Variants in KIF11 observed in about 807,000 individuals in gnomAD.
The protein encoded by KIF11 is kinesin family member 11.
Under a neutral mutation model 121.0 loss-of-function variants are expected in KIF11, and 9 were observed. That is an observed-to-expected ratio of 0.07 (90% CI 0.04 to 0.13). The LOEUF (loss-of-function observed/expected upper bound fraction) is 0.13, where lower values mean the gene tolerates loss of function less well. Ranked by LOEUF, KIF11 falls within the 10% of genes least tolerant of loss-of-function variation. The pLI, the probability that KIF11 is intolerant of heterozygous loss-of-function variation, is 1.00. For synonymous variants in KIF11, 408 were observed against 421.0 expected, an observed-to-expected ratio of 0.97 and a Z score of 0.38; for missense variants, 846 against 1,217.5, an observed-to-expected ratio of 0.69 and a Z score of 4.54.
chr10:92,594,067 C>T (rs1176106143), intron 1 of KIF11, among the ~76,000 whole-genome samples: 1 of 152,150 alleles, frequency 6.6e-6, no homozygotes, highest in Non-Finnish European at 1.5e-5. Flanking sequence ...GTTCGGCCCT[C>T]CCCTGACTGG....
At chr10:92,634,142 C>T (rs1352192610) in intron 14 of KIF11, among the ~76,000 whole-genome samples, 1 of 151,924 alleles carries the variant, frequency 6.6e-6, no homozygotes, top group Non-Finnish European at 1.5e-5. Flanking sequence ...CACCACCACA[C>T]CCGGCTAATT....
intron 19 of KIF11, among the ~76,000 whole-genome samples, chr10:92,649,456 C>T (rs1287276286): frequency 1.3e-5 from 2 of 152,100 alleles, no homozygotes; most frequent in African/African-American, 4.8e-5. Flanking sequence ...AACCACCACA[C>T]CACATTTATA....
intron 9 of KIF11, among the ~76,000 whole-genome samples, chr10:92,620,705 C>G (rs146148490): frequency 6.6e-6 from 1 of 152,160 alleles, no homozygotes; most frequent in Non-Finnish European, 1.5e-5. Context: ...AAGGCAAGGA[C>G]GAGCAAGTCA....
At chr10:92,617,871 C>T (rs1247030273) in intron 9 of KIF11, among the ~76,000 whole-genome samples, 1 of 152,044 alleles carries the variant, frequency 6.6e-6, no homozygotes, top group Admixed American at 6.6e-5. Flanking sequence ...TCCCGAGTAG[C>T]TGGGACTACA....
chr10:92,616,936 A>G (rs1228188643), intron 9 of KIF11, 104 bp downstream of exon 9: 2 of 630,562 alleles, frequency 3.2e-6, no homozygotes, highest in East Asian at 5.7e-5. Flanking sequence ...TAAATTGCCC[A>G]TGGAAGGCTT....
chr10:92,620,054 A>C (rs1160836053), intron 9 of KIF11, among the ~76,000 whole-genome samples: 4 of 149,864 alleles, frequency 2.7e-5, no homozygotes, highest in African/African-American at 9.8e-5. Context: ...TCCATTTAGA[A>C]GTATGTAATG....
At chr10:92,621,762 C>T (rs965167035) in intron 10 of KIF11, among the ~76,000 whole-genome samples, 39 of 152,142 alleles carry the variant, frequency 2.6e-4, no homozygotes, top group African/African-American at 8.9e-4. Flanking sequence ...CCACCACACC[C>T]TGCTAATTTT....
rs759872772 is a variant in KIF11 at position 92,649,983 on chromosome 10, T to C, written c.2919T>C (p.Ile973=). Residue 973 remains isoleucine, a synonymous_variant, in exon 20 of 22, where the codon ATT becomes ATC. Coordinates refer to ENST00000260731, the MANE Select transcript of KIF11 (RefSeq NM_004523.4). The part of the protein sequence containing the change: ...NCSENNKEET[I]PDVDVEEAVL... ...CAGAAAACAACAAAGAAGAGACAATTCCGGTAAATTTAAAGGATCATATTT... is the reference window on the plus strand; with the variant it reads ...CAGAAAACAACAAAGAAGAGACAATCCCGGTAAATTTAAAGGATCATATTT... 6.2e-7 allele frequency: 1 copy of C among 1,606,190 alleles called. No individual in the cohort carries two copies. The highest frequency in any genetic ancestry group is 2.2e-5 in the East Asian group (1 of 44,722).
Position 92,648,476 on chromosome 10 carries a change from C to T in KIF11, c.2770+42C>T, listed in dbSNP as rs200520439. ...ATAGAATTGTTAAATTTTTTGAAGTCGAATTCAACTCTATGTAGTGTCAGA... is the reference window on the plus strand; with the variant it reads ...ATAGAATTGTTAAATTTTTTGAAGTTGAATTCAACTCTATGTAGTGTCAGA... On this transcript the variant is annotated intron_variant, in intron 19 of 21. Coordinates refer to ENST00000260731, the MANE Select transcript of KIF11 (RefSeq NM_004523.4). 180 of 1,272,954 alleles carry T rather than the reference C, an allele frequency of 1.4e-4. No individual in the cohort carries two copies. In the African/African-American group the frequency reaches 2.3e-3, roughly 16 times the overall value. The allele number at this position is 1,272,954 out of a possible 1,614,324, so 78.9% of individuals were successfully genotyped here.
In KIF11 at chr10:92,637,202, C is replaced by G. The variant is rs1419156826; in HGVS notation, c.1894C>G (p.Leu632Val). The G allele has an allele frequency of 8.8e-6, 14 of 1,585,106 alleles. No individual in the cohort carries two copies. Among genetic ancestry groups the G allele is most frequent in the East Asian group, 2.2e-5 (1 of 44,564 alleles). ...AAACCAGAATGTACTCAAGACTGAT[C>G]TTCTAAGTTCACTGGAAATGATTTT... is the stretch of plus-strand genomic sequence containing the variant. ...QELINVLKTD[L>V]LSSLEMILSP... is the part of the protein sequence containing the mutation. Residue 632 changes from leucine (L) to valine (V), a missense_variant, in exon 15 of 22, where the codon CTT becomes GTT. Transcript: ENST00000260731.
intron 17 of KIF11, among the ~76,000 whole-genome samples, chr10:92,641,003 C>T (rs925107442): frequency 1.3e-5 from 2 of 152,184 alleles, no homozygotes; most frequent in Non-Finnish European, 2.9e-5. Context: ...CTACCTCGGC[C>T]TCCCAAAGTG....
intron 16 of KIF11, among the ~76,000 whole-genome samples, chr10:92,638,626 C>CTTT (rs1844832713): frequency 6.6e-6 from 1 of 152,108 alleles, no homozygotes; most frequent in Admixed American, 6.6e-5. Context: ...GCTTTCCTGG[C>CTTT]TTTAAGGAAG....
intron 18 of KIF11, among the ~76,000 whole-genome samples, chr10:92,646,538 G>A (rs777804615): frequency 2.2e-4 from 33 of 152,086 alleles, no homozygotes; most frequent in Non-Finnish European, 4.0e-4. Flanking sequence ...TCAGATTTGT[G>A]ATAGGAAATG....
At chr10:92,623,002 G>A (rs986438535) in intron 10 of KIF11, among the ~76,000 whole-genome samples, 6 of 152,104 alleles carry the variant, frequency 3.9e-5, no homozygotes, top group African/African-American at 1.4e-4. Flanking sequence ...TTTATCACTC[G>A]GTTATCTCCC....
intron 12 of KIF11, among the ~76,000 whole-genome samples, chr10:92,631,638 G>C (rs1052803102): frequency 4.6e-5 from 7 of 151,510 alleles, no homozygotes; most frequent in African/African-American, 1.7e-4. Flanking sequence ...TGGGATTACA[G>C]GCGTGAGCCA....
In KIF11 at chr10:92,650,476, G is replaced by A. The variant is rs1844968780; in HGVS notation, c.2998G>A (p.Gly1000Ser). Residue 1000 changes from glycine (G) to serine (S), a missense_variant, in exon 21 of 22, where the codon GGT becomes AGT. Gly to Ser is a moderately conservative substitution (Grantham distance 56). Coordinates refer to ENST00000260731, the MANE Select transcript of KIF11 (RefSeq NM_004523.4). ...AAGTCAAGAGCCATCTGTAGATGCTGGTGTGGATTGTTCATCAATTGGCGG... is the reference window on the plus strand; with the variant it reads ...AAGTCAAGAGCCATCTGTAGATGCTAGTGTGGATTGTTCATCAATTGGCGG... ...PLSQEPSVDA[G>S]VDCSSIGGVP... 2 of 1,613,352 alleles carry A rather than the reference G, an allele frequency of 1.2e-6. No individual in the cohort carries two copies. The highest frequency in any genetic ancestry group is 1.7e-4 in the Middle Eastern group (1 of 6,058).
intron 21 of KIF11, among the ~76,000 whole-genome samples, chr10:92,651,539 T>G (rs1844983830): frequency 9.4e-6 from 1 of 106,056 alleles, no homozygotes; most frequent in African/African-American, 5.0e-5. Context: ...TTTTTTTTTT[T>G]TTTTTTTTTA....
chr10:92,650,424 T>G lies in KIF11; in HGVS notation c.2946T>G (p.Val982=). 1 of 1,611,446 alleles carries G rather than the reference T, an allele frequency of 6.2e-7. No individual in the cohort carries two copies. Among genetic ancestry groups the G allele is most frequent in the Non-Finnish European group, 8.5e-7 (1 of 1,177,512 alleles). Residue 982 remains valine, a synonymous_variant, in exon 21 of 22, where the codon GTT becomes GTG. Coordinates refer to ENST00000260731, the MANE Select transcript of KIF11 (RefSeq NM_004523.4). ...TIPDVDVEEA[V]LGQYTEEPLS... ...AGGATGTGGATGTAGAAGAGGCAGT[T>G]CTGGGGCAGTATACTGAAGAACCTC...
chr10:92,644,584 G>A (rs375708928), intron 17 of KIF11, among the ~76,000 whole-genome samples: 13 of 152,282 alleles, frequency 8.5e-5, no homozygotes, highest in African/African-American at 2.9e-4. Flanking sequence ...CTCCCAAAGT[G>A]CTGGGATTAG....
Sources: allele counts gnomAD v4.1 joint callset (sites outside exome capture counted in the v4.1 genomes callset), GRCh38; gene constraint gnomAD v4.1.1; transcripts MANE v1.5; gene names NCBI Gene and HGNC (gene_info 2026-07-23, HGNC 2026-07-21).